The following IGSF3 variants were observed in gnomAD, a reference collection of about 807,000 sequenced individuals.
IGSF3 encodes immunoglobulin superfamily member 3, also known as glu-Trp-Ile EWI motif-containing protein 3.
In IGSF3, 23 loss-of-function variants were observed where a neutral mutation model predicts 114.4. The observed-to-expected ratio is 0.20, with a 90% CI of 0.14 to 0.28. The LOEUF is 0.28. Among genes scored for constraint, IGSF3 ranks in the 10% least tolerant of loss-of-function variants. The pLI is 1.00. For missense variants in IGSF3, 1,172 were observed against 1,591.5 expected (o/e 0.74, Z 4.48); for synonymous variants, 571 against 645.2 (o/e 0.88, Z 1.74).
intron 9 of IGSF3, among the ~76,000 whole-genome samples, chr1:116,581,649 G>A (rs1659606143): frequency 6.6e-6 from 1 of 152,128 alleles, no homozygotes; most frequent in Non-Finnish European, 1.5e-5. Context: ...CCCACCTCCT[G>A]CACCCATCTG....
At position 116,577,583 on chromosome 1, in the gene IGSF3, G is replaced by C; in HGVS notation, c.3335-21C>G. 1.2e-6 allele frequency: 2 copies of C among 1,611,726 alleles called. No individual in the cohort carries two copies. Among genetic ancestry groups the C allele is most frequent in the Non-Finnish European group, 1.7e-6 (2 of 1,178,826 alleles). ...GGGACCTGAAAAGAATCATGAGAGAGACAAGACAATGAGGGCTGAGAACCT... is the reference window on the plus strand; with the variant it reads ...GGGACCTGAAAAGAATCATGAGAGACACAAGACAATGAGGGCTGAGAACCT... On this transcript the variant is annotated intron_variant, in intron 10 of 10. Transcript: ENST00000369486. This position sits in a 1 kb window ranked among gnomAD's most constrained non-coding sequence, Gnocchi z 5.7.
intron 10 of IGSF3, among the ~76,000 whole-genome samples, chr1:116,578,826 A>T (rs1370838549): frequency 3.3e-5 from 5 of 152,142 alleles, no homozygotes; most frequent in Non-Finnish European, 7.4e-5. Context: ...GGATCATGGA[A>T]ACTGCATTCT....
rs371526605 is a variant in IGSF3, at chr1:116,666,907, C to G, written c.-581G>C. 2 of 402,946 alleles carry G rather than the reference C, an allele frequency of 5.0e-6. No individual in the cohort carries two copies. Among genetic ancestry groups the G allele is most frequent in the African/African-American group, 4.1e-5 (2 of 48,668 alleles). 25.0% of individuals were successfully genotyped at this position (402,946 alleles called of 1,614,324 possible). A position where few individuals can be genotyped will look rare whatever the true frequency, so the allele number is the denominator to read the frequency against. On this transcript the variant is annotated 5_prime_UTR_variant, in exon 2 of 11. Transcript: ENST00000369486. The stretch of plus-strand genomic sequence containing the variant: ...CCACGCCTGCCTAGGGCACACGAAG[C>G]AAGTTGGCGTTCGGCAGCCCTGAAG...
rs967795929 is a variant in IGSF3 at position 116,610,339 on chromosome 1, G to A, written c.833-2008C>T. Reference sequence around the variant, plus strand: ...CTGTAACTCTGGCTTTCTTCTTTCGGCGGCCAAAGACTCTTCTCATCTCAA... The same window carrying A: ...CTGTAACTCTGGCTTTCTTCTTTCGACGGCCAAAGACTCTTCTCATCTCAA... On this transcript the variant is annotated intron_variant, in intron 4 of 10. Coordinates refer to ENST00000369486, the MANE Select transcript of IGSF3 (RefSeq NM_001007237.3). The surrounding 1 kb of genome is among the most constrained non-coding windows in gnomAD (Gnocchi z 4.3). Among the ~76,000 whole-genome samples the A allele has an allele frequency of 7.9e-5, 12 of 152,130 alleles. No individual in the cohort carries two copies. Among genetic ancestry groups the A allele is most frequent in the African/African-American group, 2.9e-4 (12 of 41,406 alleles).
At position 116,632,220 on chromosome 1, in the gene IGSF3, G is replaced by T. The variant is rs890071795; in HGVS notation, c.44-15763C>A. Reference sequence around the variant, plus strand: ...AGGTTATCAGTTTGCCAGAGCTGCAGATTTAAAATACTTGCATGGTAATCG... The same window carrying T: ...AGGTTATCAGTTTGCCAGAGCTGCATATTTAAAATACTTGCATGGTAATCG... On this transcript the variant is annotated intron_variant, in intron 2 of 10. Coordinates refer to ENST00000369486, the MANE Select transcript of IGSF3 (RefSeq NM_001007237.3). This position sits in a 1 kb window ranked among gnomAD's most constrained non-coding sequence, Gnocchi z 5.1. Among the ~76,000 whole-genome samples the T allele has an allele frequency of 2.6e-5, 4 of 152,200 alleles. No homozygotes were observed. The highest frequency in any genetic ancestry group is 9.7e-5 in the African/African-American group (4 of 41,436).
chr1:116,656,424 C>T (rs550567502), intron 2 of IGSF3, among the ~76,000 whole-genome samples: 19 of 151,250 alleles, frequency 1.3e-4, no homozygotes, highest in African/African-American at 4.4e-4. Flanking sequence ...CCTCCGCCTC[C>T]CGGGTAGCTG....
At chr1:116,643,379 A>G (rs1331070311) in intron 2 of IGSF3, among the ~76,000 whole-genome samples, 7 of 152,214 alleles carry the variant, frequency 4.6e-5, no homozygotes, top group Non-Finnish European at 8.8e-5. Context: ...CAGGTCAATG[A>G]TTCAGGGCGG....
rs1165826140 is a variant in IGSF3 at position 116,636,454 on chromosome 1, C to T, written c.44-19997G>A. 6.6e-6 allele frequency among the ~76,000 whole-genome samples: 1 copy of T among 152,202 alleles called. No individual in the cohort carries two copies. The highest frequency in any genetic ancestry group is 2.4e-5 in the African/African-American group (1 of 41,450). On this transcript the variant is annotated intron_variant, in intron 2 of 10. Transcript: ENST00000369486. The surrounding 1 kb of genome is among the most constrained non-coding windows in gnomAD (Gnocchi z 4.5). Reference sequence around the variant, plus strand: ...ATAGCATGAAGTAGACAATGATGTTCTTAGCATCCAGTCTTAAAACTAGAA... The same window carrying T: ...ATAGCATGAAGTAGACAATGATGTTTTTAGCATCCAGTCTTAAAACTAGAA...
chr1:116,641,593 A>G (rs941771084), intron 2 of IGSF3, among the ~76,000 whole-genome samples: 1 of 151,854 alleles, frequency 6.6e-6, no homozygotes, highest in Non-Finnish European at 1.5e-5. Flanking sequence ...AGGAAATGCC[A>G]TAAAGCATCA....
In IGSF3 at chr1:116,584,648, G is replaced by C; in HGVS notation, c.2845C>G (p.Pro949Ala). The change falls in exon 9 of 11, where the codon CCA becomes GCA. Residue 949 changes from proline to alanine, a missense_variant. Pro to Ala is a conservative substitution (Grantham distance 27). This residue lies in a region of IGSF3 where 423 missense variants were observed against 509.8 expected (regional missense o/e 0.83). Coordinates refer to ENST00000369486, the MANE Select transcript of IGSF3 (RefSeq NM_001007237.3). The surrounding 1 kb of genome is among the most constrained non-coding windows in gnomAD (Gnocchi z 5.8). ...AGQTALTVMR[P>A]DASLQVDTVV... is the part of the protein sequence containing the mutation. The stretch of plus-strand genomic sequence containing the variant: ...GCTTGGGGACGTGGACCCTCACCTG[G>C]TCGCATGACTGTCAGAGCTGTCTGC... The C allele has an allele frequency of 6.2e-7, 1 of 1,614,102 alleles. No homozygotes were observed. The highest frequency in any genetic ancestry group is 8.5e-7 in the Non-Finnish European group (1 of 1,179,980).
chr1:116,618,196 C>T lies in IGSF3; in HGVS notation c.44-1739G>A, dbSNP rs1661288624. ...ACAAACAAAATCTTACACAGAACCCCATCTTGGCTTCAGCAGAATCAGGAA... is the reference window on the plus strand; with the variant it reads ...ACAAACAAAATCTTACACAGAACCCTATCTTGGCTTCAGCAGAATCAGGAA... On this transcript the variant is annotated intron_variant, in intron 2 of 10. Coordinates refer to ENST00000369486, the MANE Select transcript of IGSF3 (RefSeq NM_001007237.3). The surrounding 1 kb of genome is among the most constrained non-coding windows in gnomAD (Gnocchi z 4.7). Among the ~76,000 whole-genome samples the T allele has an allele frequency of 6.6e-6, 1 of 152,310 alleles. No homozygotes were observed. The highest frequency in any genetic ancestry group is 2.1e-4 in the South Asian group (1 of 4,824).
In IGSF3 at chr1:116,615,625, A is replaced by G. The variant is rs1262175235; in HGVS notation, c.421+455T>C. On this transcript the variant is annotated intron_variant, in intron 3 of 10. Coordinates refer to ENST00000369486, the MANE Select transcript of IGSF3 (RefSeq NM_001007237.3). This position sits in a 1 kb window ranked among gnomAD's most constrained non-coding sequence, Gnocchi z 4.3. ...TACGCATGGAGCCAAAGGACCTTCA[A>G]TGTACAAGGTCTGAGCAAGGACCCA... Among the ~76,000 whole-genome samples the G allele has an allele frequency of 6.6e-6, 1 of 152,088 alleles. No individual in the cohort carries two copies. Among genetic ancestry groups the G allele is most frequent in the Non-Finnish European group, 1.5e-5 (1 of 68,036 alleles).
At chr1:116,637,362 A>G (rs1216886802) in intron 2 of IGSF3, among the ~76,000 whole-genome samples, 2 of 152,206 alleles carry the variant, frequency 1.3e-5, no homozygotes, top group Non-Finnish European at 2.9e-5. Flanking sequence ...AGGCCTGGAC[A>G]CTGATGTAGG....
At position 116,612,949 on chromosome 1, in the gene IGSF3, A is replaced by T. The variant is rs1661079631; in HGVS notation, c.832+816T>A. 6.6e-6 allele frequency among the ~76,000 whole-genome samples: 1 copy of T among 152,220 alleles called. No individual in the cohort carries two copies. Among genetic ancestry groups the T allele is most frequent in the South Asian group, 2.1e-4 (1 of 4,836 alleles). ...GCCACAGGAGATACCAAGAGAAGCC[A>T]GGGAGGGTTTCAGCTGGCTGTGCCA... is the stretch of plus-strand genomic sequence containing the variant. On this transcript the variant is annotated intron_variant, in intron 4 of 10. Coordinates refer to ENST00000369486, the MANE Select transcript of IGSF3 (RefSeq NM_001007237.3). This position sits in a 1 kb window ranked among gnomAD's most constrained non-coding sequence, Gnocchi z 4.1.
chr1:116,605,150 C>T lies in IGSF3; in HGVS notation c.1223-1125G>A, dbSNP rs992385504. Among the ~76,000 whole-genome samples the T allele has an allele frequency of 2.0e-5, 3 of 151,958 alleles. No homozygotes were observed. Among genetic ancestry groups the T allele is most frequent in the African/African-American group, 7.3e-5 (3 of 41,352 alleles). On this transcript the variant is annotated intron_variant, in intron 5 of 10. Transcript: ENST00000369486. The surrounding 1 kb of genome is among the most constrained non-coding windows in gnomAD (Gnocchi z 5.1). ...GAACACAAAGTAACTAATTTGGCTC[C>T]AATTTTTGGGTACCACCCACATTAA...
rs1350271886 is a variant in IGSF3, at chr1:116,624,478, A to G, written c.44-8021T>C. On this transcript the variant is annotated intron_variant, in intron 2 of 10. Coordinates refer to ENST00000369486, the MANE Select transcript of IGSF3 (RefSeq NM_001007237.3). The surrounding 1 kb of genome is among the most constrained non-coding windows in gnomAD (Gnocchi z 4.9). ...TTTAAAACTTAATTCCTGGCACACAATAAGTGCTCAATAAATGTTTAGCCA... is the reference window on the plus strand; with the variant it reads ...TTTAAAACTTAATTCCTGGCACACAGTAAGTGCTCAATAAATGTTTAGCCA... Among the ~76,000 whole-genome samples, 3 of 152,234 alleles carry G rather than the reference A, an allele frequency of 2.0e-5. No homozygotes were observed. The highest frequency in any genetic ancestry group is 2.9e-5 in the Non-Finnish European group (2 of 68,044).
chr1:116,580,014 G>A (rs1415161329), intron 9 of IGSF3, 137 bp from the exon 10 acceptor site: 6 of 812,824 alleles, frequency 7.4e-6, no homozygotes, highest in Non-Finnish European at 1.1e-5. Context: ...AAAGGCATAG[G>A]CAGTGCTACA....
In IGSF3 at chr1:116,627,899, G is replaced by A. The variant is rs1455132781; in HGVS notation, c.44-11442C>T. On this transcript the variant is annotated intron_variant, in intron 2 of 10. Transcript: ENST00000369486. This position sits in a 1 kb window ranked among gnomAD's most constrained non-coding sequence, Gnocchi z 4.7. ...GGGTCTCCAAAGGAACCTCAGAGCC[G>A]TGTCCTACTCAGAGCAGCCCCTTCA... is the stretch of plus-strand genomic sequence containing the variant. Among the ~76,000 whole-genome samples the A allele has an allele frequency of 2.0e-5, 3 of 152,174 alleles. No individual in the cohort carries two copies. The highest frequency in any genetic ancestry group is 4.8e-5 in the African/African-American group (2 of 41,432).
chr1:116,608,088 A>C lies in IGSF3; in HGVS notation c.1076T>G (p.Phe359Cys). Reference sequence around the variant, plus strand: ...GCGGAGGTGGTAGATCTTCAGCACAAAGACACTGTCGCTCTCTTTGGCCAC... The same window carrying C: ...GCGGAGGTGGTAGATCTTCAGCACACAGACACTGTCGCTCTCTTTGGCCAC... Reference protein sequence around the residue: ...LKVAKESDSVFVLKIYHLRQE... With the variant: ...LKVAKESDSVCVLKIYHLRQE... The change falls in exon 5 of 11, where the codon TTT (phenylalanine) becomes TGT (cysteine). Residue 359 changes from phenylalanine to cysteine, a missense_variant. By Grantham distance (205) the Phe-to-Cys change is radical (BLOSUM62 -2). Around this residue, in one of 3 missense-constraint regions of IGSF3, gnomAD observed 736 missense variants for 1,042.0 expected, o/e 0.71. Coordinates refer to ENST00000369486, the MANE Select transcript of IGSF3 (RefSeq NM_001007237.3). The C allele has an allele frequency of 1.2e-6, 2 of 1,613,822 alleles. No homozygotes were observed. The highest frequency in any genetic ancestry group is 1.7e-6 in the Non-Finnish European group (2 of 1,179,840).
Sources: gnomAD v4.1 joint callset for allele counts (sites outside exome capture counted in the v4.1 genomes callset) on GRCh38, gnomAD v4.1.1 for gene constraint, gnomAD v4.1.1 regional missense constraint, Gnocchi (gnomAD v3.1) non-coding constraint, MANE v1.5 for transcripts, NCBI Gene and HGNC (gene_info 2026-07-23, HGNC 2026-07-21) for gene names.